Variants in LRP1B observed in about 807,000 individuals in gnomAD.
The protein encoded by LRP1B is LDL receptor related protein 1B.
In LRP1B, 217 loss-of-function variants were observed where a neutral mutation model predicts 556.6. The ratio of observed to expected loss-of-function variants is 0.39; its 90% CI spans 0.35 to 0.44. The LOEUF is 0.44. LRP1B is among the 20% of genes least tolerant of loss of function. The pLI is 1.00. For synonymous variants in LRP1B, 2,047 were observed against 1,865.8 expected, an observed-to-expected ratio of 1.10 and a Z score of -2.50; for missense variants, 5,053 against 5,620.8, an observed-to-expected ratio of 0.90 and a Z score of 3.23.
chr2:140,686,847 A>T (rs541919221), intron 41 of LRP1B, among the ~76,000 whole-genome samples: 1 of 152,254 alleles, frequency 6.6e-6, no homozygotes, highest in Non-Finnish European at 1.5e-5. Flanking sequence ...AACAGGAAAT[A>T]TAGAAGGTAA....
At chr2:140,364,916 G>A in intron 71 of LRP1B, 133 bp from the exon 72 acceptor site, 2 of 628,474 alleles carry the variant, frequency 3.2e-6, no homozygotes, top group African/African-American at 1.9e-5. Context: ...TTTATTTCAA[G>A]CATAATACCA....
At chr2:141,874,578 G>T (rs919597714) in intron 1 of LRP1B, among the ~76,000 whole-genome samples, 1 of 151,836 alleles carries the variant, frequency 6.6e-6, no homozygotes, top group African/African-American at 2.4e-5. Context: ...TTGAAAAAGA[G>T]AAATAAATGT....
At chr2:141,426,304 T>C (rs1680360964) in intron 3 of LRP1B, among the ~76,000 whole-genome samples, 1 of 152,000 alleles carries the variant, frequency 6.6e-6, no homozygotes, top group Non-Finnish European at 1.5e-5. Flanking sequence ...ACCAGTACCA[T>C]GCTGTTTTAT....
intron 32 of LRP1B, among the ~76,000 whole-genome samples, chr2:140,802,328 A>G (rs1321231140): frequency 6.6e-6 from 1 of 152,202 alleles, no homozygotes; most frequent in Non-Finnish European, 1.5e-5. Flanking sequence ...CCTATTTCCT[A>G]TGTCATCATT....
intron 3 of LRP1B, among the ~76,000 whole-genome samples, chr2:141,305,973 C>T (rs1212799302): frequency 1.3e-5 from 2 of 152,042 alleles, no homozygotes; most frequent in Non-Finnish European, 2.9e-5. Context: ...TTTTGATATA[C>T]TTTTGAATGT....
chr2:141,961,784 A>T (rs981438386), intron 1 of LRP1B, among the ~76,000 whole-genome samples: 1 of 151,684 alleles, frequency 6.6e-6, no homozygotes, highest in Admixed American at 6.6e-5. Context: ...AAAAATTTAG[A>T]TCTCTGTTGT....
chr2:140,948,355 A>T lies in LRP1B; in HGVS notation c.3136+1880T>A, dbSNP rs73964754. Among the ~76,000 whole-genome samples, 706 of 152,288 alleles carry T rather than the reference A, an allele frequency of 4.6e-3. 6 individuals carry two copies. Among genetic ancestry groups the T allele is most frequent in the African/African-American group, 0.015 (642 of 41,560 alleles). On this transcript the variant is annotated intron_variant, in intron 20 of 90. Transcript: ENST00000389484. ...GACCACTCTTAGATGAATGTTTCAAATATTGGCAAAAAAAGAAAAACTTTA... is the reference window on the plus strand; with the variant it reads ...GACCACTCTTAGATGAATGTTTCAATTATTGGCAAAAAAAGAAAAACTTTA...
intron 41 of LRP1B, among the ~76,000 whole-genome samples, chr2:140,655,748 C>T (rs1684856558): frequency 6.6e-6 from 1 of 152,142 alleles, no homozygotes; most frequent in Non-Finnish European, 1.5e-5. Context: ...CGAAACCATC[C>T]TGGCTAACAC....
rs1051913369 is a variant in LRP1B at position 140,690,450 on chromosome 2, C to T, written c.6799+9800G>A. ...ATTAACATCAAAGAAAATTCATATG[C>T]TTTTTCTCTTATTAACCTTTCTTTT... On this transcript the variant is annotated intron_variant, in intron 41 of 90. Transcript: ENST00000389484. Among the ~76,000 whole-genome samples, 10 of 152,038 alleles carry T rather than the reference C, an allele frequency of 6.6e-5. 1 individual carries two copies. Among genetic ancestry groups the T allele is most frequent in the African/African-American group, 2.2e-4 (9 of 41,488 alleles).
chr2:141,182,409 G>T (rs1681042538), intron 7 of LRP1B, among the ~76,000 whole-genome samples: 1 of 151,910 alleles, frequency 6.6e-6, no homozygotes, highest in African/African-American at 2.4e-5. Context: ...ATAACCCCTT[G>T]ATACTTTCCA....
At chr2:140,313,170 A>G (rs1439012612) in intron 83 of LRP1B, among the ~76,000 whole-genome samples, 1 of 151,944 alleles carries the variant, frequency 6.6e-6, no homozygotes, top group African/African-American at 2.4e-5. Flanking sequence ...TACATATCAT[A>G]TAATTATTAT....
At chr2:140,488,005 A>C (rs1213500698) in intron 57 of LRP1B, among the ~76,000 whole-genome samples, 1 of 152,052 alleles carries the variant, frequency 6.6e-6, no homozygotes, top group Non-Finnish European at 1.5e-5. Flanking sequence ...TTAAATAAAT[A>C]GCCAGTAACG....
intron 18 of LRP1B, among the ~76,000 whole-genome samples, chr2:140,971,584 T>A (rs1462204345): frequency 6.6e-6 from 1 of 152,214 alleles, no homozygotes; most frequent in African/African-American, 2.4e-5. Context: ...ATGCCTGTAA[T>A]CCCAGCACTT....
At chr2:140,540,920 G>A in intron 45 of LRP1B, 53 bp downstream of exon 45, 2 of 1,567,338 alleles carry the variant, frequency 1.3e-6, no homozygotes, top group African/African-American at 1.4e-5. Flanking sequence ...TCAGTGATGT[G>A]TGTGGAATTT....
intron 3 of LRP1B, among the ~76,000 whole-genome samples, chr2:141,265,627 CTA>C (rs1386764364): frequency 6.6e-5 from 10 of 152,282 alleles, no homozygotes; most frequent in Non-Finnish European, 1.5e-4. Flanking sequence ...CTCAAAATTG[CTA>C]TGTTTCTTCC....
intron 3 of LRP1B, among the ~76,000 whole-genome samples, chr2:141,289,150 T>G (rs1471374626): frequency 1.3e-5 from 2 of 152,046 alleles, no homozygotes; most frequent in East Asian, 3.9e-4. Context: ...TTTGGGAGGC[T>G]GAGGCGGGTG....
At chr2:140,768,206 G>C (rs1055045233) in intron 35 of LRP1B, among the ~76,000 whole-genome samples, 2 of 151,960 alleles carry the variant, frequency 1.3e-5, no homozygotes, top group South Asian at 2.1e-4. Flanking sequence ...AATTTGTGAA[G>C]ATCCCCAGTA....
intron 1 of LRP1B, among the ~76,000 whole-genome samples, chr2:141,813,490 T>A (rs1444223712): frequency 6.6e-6 from 1 of 151,422 alleles, no homozygotes; most frequent in Admixed American, 6.6e-5. Flanking sequence ...ACTAAAGAGG[T>A]CAACGTGGCT....
intron 2 of LRP1B, among the ~76,000 whole-genome samples, chr2:141,540,813 C>T (rs1363526793): frequency 6.6e-6 from 1 of 151,980 alleles, no homozygotes. Context: ...GTTAACATCT[C>T]CTGTGCTCAT....
Sources: gnomAD v4.1 joint callset for allele counts (sites outside exome capture counted in the v4.1 genomes callset) on GRCh38, gnomAD v4.1.1 for gene constraint, MANE v1.5 for transcripts, NCBI Gene and HGNC (gene_info 2026-07-23, HGNC 2026-07-21) for gene names.